SIPA1L3: variants seen among roughly 807,000 people sequenced by gnomAD.
SIPA1L3 encodes the protein signal induced proliferation associated 1 like 3.
SIPA1L3 carries 59 observed loss-of-function variants against 150.1 expected under a neutral mutation model. The ratio of observed to expected loss-of-function variants is 0.39; its 90% CI spans 0.32 to 0.49. SIPA1L3 has a LOEUF of 0.49. Ranked by LOEUF, SIPA1L3 falls within the 20% of genes least tolerant of loss-of-function variation. SIPA1L3 has a pLI of 0.86. For missense variants in SIPA1L3, 2,211 were observed against 2,489.5 expected, an observed-to-expected ratio of 0.89 and a Z score of 2.38; for synonymous variants, 1,070 against 1,077.6, an observed-to-expected ratio of 0.99 and a Z score of 0.14.
At chr19:37,931,132 G>C (rs1461705830) in intron 1 of SIPA1L3, among the ~76,000 whole-genome samples, 1 of 152,166 alleles carries the variant, frequency 6.6e-6, no homozygotes, top group Non-Finnish European at 1.5e-5. Context: ...GAATAAAGTG[G>C]ACCTGACTGA....
At chr19:38,023,626 G>A (rs1286000337) in intron 1 of SIPA1L3, among the ~76,000 whole-genome samples, 1 of 152,216 alleles carries the variant, frequency 6.6e-6, no homozygotes, top group African/African-American at 2.4e-5. Context: ...TTTATTAGTA[G>A]TTGAGTAATC....
At chr19:37,952,788 G>A (rs2046776398) in intron 1 of SIPA1L3, among the ~76,000 whole-genome samples, 1 of 152,218 alleles carries the variant, frequency 6.6e-6, no homozygotes, top group South Asian at 2.1e-4. Context: ...TTAGCTTTAT[G>A]TGATCAACAG....
At chr19:38,050,533 C>A (rs527642827) in intron 2 of SIPA1L3, among the ~76,000 whole-genome samples, 1 of 152,176 alleles carries the variant, frequency 6.6e-6, no homozygotes, top group Non-Finnish European at 1.5e-5. Flanking sequence ...TCACTATCAC[C>A]GTCATTATTA....
In SIPA1L3 at chr19:38,175,764, T is replaced by C. The variant is rs542271421; in HGVS notation, c.4209-6755T>C. ...GGAAACTGAGGCTCACTGAGGGGAA[T>C]AGACCCCACGCAAGTTGGCCACTGT... On this transcript the variant is annotated intron_variant, in intron 15 of 21. Transcript: ENST00000222345. Among the ~76,000 whole-genome samples the C allele has an allele frequency of 2.6e-4, 39 of 152,276 alleles. 1 individual carries two copies. The highest frequency in any genetic ancestry group is 8.7e-4 in the African/African-American group (36 of 41,568).
chr19:37,980,654 G>T (rs1479983507), intron 1 of SIPA1L3, among the ~76,000 whole-genome samples: 1 of 146,176 alleles, frequency 6.8e-6, no homozygotes, highest in Non-Finnish European at 1.5e-5. Flanking sequence ...GTTCAGCAAG[G>T]CCTGATGGTC....
intron 16 of SIPA1L3, among the ~76,000 whole-genome samples, chr19:38,187,000 T>C (rs1600187417): frequency 8.2e-6 from 1 of 121,444 alleles, no homozygotes; most frequent in Non-Finnish European, 1.7e-5. Flanking sequence ...AGAGCTAAAC[T>C]CTGTCTCAAA....
In SIPA1L3 at chr19:38,013,899, C is replaced by T. The variant is rs575426755; in HGVS notation, c.-378-15190C>T. On this transcript the variant is annotated intron_variant, in intron 1 of 21. Transcript: ENST00000222345. Reference sequence around the variant, plus strand: ...GCTTGCTGGCCTGGAGGCATTTCTGCGATGTATTTAAGGGAAAGCAAGATT... The same window carrying T: ...GCTTGCTGGCCTGGAGGCATTTCTGTGATGTATTTAAGGGAAAGCAAGATT... Among the ~76,000 whole-genome samples, 6 of 152,268 alleles carry T rather than the reference C, an allele frequency of 3.9e-5. No homozygotes were observed. In the East Asian group the frequency reaches 5.8e-4, roughly 15 times the overall value.
At position 38,142,053 on chromosome 19, in the gene SIPA1L3, C is replaced by T. The variant is rs1971598513; in HGVS notation, c.3396-520C>T. Among the ~76,000 whole-genome samples the T allele has an allele frequency of 2.6e-5, 4 of 152,138 alleles. 1 individual carries two copies. The South Asian group carries it at 8.3e-4, about 31-fold the overall frequency. On this transcript the variant is annotated intron_variant, in intron 11 of 21. Transcript: ENST00000222345. ...ACAAAATTTAGGACAGTGACTTCTT[C>T]CTGGAGGAGGCAGGGAAATGGGAAG...
At chr19:37,978,547 G>A (rs1442641207) in intron 1 of SIPA1L3, among the ~76,000 whole-genome samples, 1 of 152,192 alleles carries the variant, frequency 6.6e-6, no homozygotes, top group Non-Finnish European at 1.5e-5. Context: ...GAGAAATTGA[G>A]GTGGGATTCT....
intron 1 of SIPA1L3, among the ~76,000 whole-genome samples, chr19:37,952,931 G>A (rs1244704344): frequency 4.6e-5 from 7 of 151,882 alleles, no homozygotes; most frequent in Admixed American, 4.6e-4. Flanking sequence ...CAGAGTGTGT[G>A]TATGCACAGA....
chr19:37,967,771 CT>C (rs111333820), intron 1 of SIPA1L3, among the ~76,000 whole-genome samples: 273 of 151,466 alleles, frequency 1.8e-3, no homozygotes, highest in Middle Eastern at 6.8e-3. Flanking sequence ...GGTTGTTAAA[CT>C]TTAAAAAAAA....
intron 2 of SIPA1L3, among the ~76,000 whole-genome samples, chr19:38,077,245 G>A (rs1242595748): frequency 2.6e-5 from 4 of 152,104 alleles, no homozygotes; most frequent in African/African-American, 9.7e-5. Flanking sequence ...GAGCCCAGGA[G>A]TTTGATACCA....
chr19:37,967,541 C>T (rs564843152), intron 1 of SIPA1L3, among the ~76,000 whole-genome samples: 7 of 152,170 alleles, frequency 4.6e-5, no homozygotes, highest in South Asian at 2.1e-4. Context: ...CGTGAGCCAC[C>T]GCACCCGGCT....
At chr19:37,939,721 T>C (rs1383382305) in intron 1 of SIPA1L3, among the ~76,000 whole-genome samples, 1 of 152,232 alleles carries the variant, frequency 6.6e-6, no homozygotes, top group Non-Finnish European at 1.5e-5. Context: ...CTCAGTACTA[T>C]ATGTAGCTGC....
Position 37,939,822 on chromosome 19 carries a change from A to G in SIPA1L3, c.-379+32464A>G, listed in dbSNP as rs530704003. Among the ~76,000 whole-genome samples the G allele has an allele frequency of 3.0e-4, 46 of 152,332 alleles. 1 individual carries two copies. In the South Asian group the frequency reaches 8.5e-3, roughly 28 times the overall value. ...TTGCTAAGTGAAAAGGGGAGACTCA[A>G]TATTGGAGTAGGCAGCCGGTAATGT... On this transcript the variant is annotated intron_variant, in intron 1 of 21. Coordinates refer to ENST00000222345, the MANE Select transcript of SIPA1L3 (RefSeq NM_015073.3).
At chr19:37,953,496 C>T (rs2046782624) in intron 1 of SIPA1L3, among the ~76,000 whole-genome samples, 1 of 151,948 alleles carries the variant, frequency 6.6e-6, no homozygotes, top group South Asian at 2.1e-4. Context: ...TAATCACTGA[C>T]TTAGTTCAAG....
At chr19:37,957,797 C>G (rs922810959) in intron 1 of SIPA1L3, among the ~76,000 whole-genome samples, 1 of 152,086 alleles carries the variant, frequency 6.6e-6, no homozygotes, top group African/African-American at 2.4e-5. Context: ...ACTGCAGCCT[C>G]GACTTCTGAG....
chr19:37,982,466 G>T (rs1000509025), intron 1 of SIPA1L3, among the ~76,000 whole-genome samples: 1 of 152,204 alleles, frequency 6.6e-6, no homozygotes, highest in Admixed American at 6.5e-5. Context: ...CATGTGCTTG[G>T]TGTTGCGGTT....
chr19:37,926,659 CGTT>C lies in SIPA1L3; in HGVS notation c.-379+19304_-379+19306del, dbSNP rs1351883633. 4.6e-5 allele frequency among the ~76,000 whole-genome samples: 7 copies of C among 152,034 alleles called. No individual in the cohort carries two copies. The South Asian group carries it at 1.5e-3, about 32-fold the overall frequency. ...CTGTAGCGATGGGAGACTTGCAAGT[CGTT>C]GTGGAACCAGGGCACTGGCCTCGGT... is the stretch of plus-strand genomic sequence containing the variant. On this transcript the variant is annotated intron_variant, in intron 1 of 21. Transcript: ENST00000222345.
Sources: allele counts gnomAD v4.1 joint callset (sites outside exome capture counted in the v4.1 genomes callset), GRCh38; gene constraint gnomAD v4.1.1; transcripts MANE v1.5; gene names NCBI Gene and HGNC (gene_info 2026-07-23, HGNC 2026-07-21).